ADCY3: variants seen among roughly 807,000 people sequenced by gnomAD.
ADCY3 encodes adenylate cyclase 3, also known as adenylate cyclase type 3.
In ADCY3, 70 loss-of-function variants were observed where a neutral mutation model predicts 119.4. The observed-to-expected ratio is 0.59, with a 90% CI of 0.48 to 0.72. The LOEUF (loss-of-function observed/expected upper bound fraction) is 0.72. Ranked by LOEUF, ADCY3 falls within the 30% of genes least tolerant of loss-of-function variation. The pLI, the probability that ADCY3 is intolerant of heterozygous loss-of-function variation, is 0.00. For missense variants in ADCY3, 1,238 were observed against 1,541.6 expected (o/e 0.80, Z 3.30); for synonymous variants, 672 against 621.4 (o/e 1.08, Z -1.21).
At chr2:24,860,908 C>T (rs2148722304) in intron 3 of ADCY3, among the ~76,000 whole-genome samples, 1 of 151,940 alleles carries the variant, frequency 6.6e-6, no homozygotes, top group East Asian at 2.0e-4. Flanking sequence ...CTGGGACAGC[C>T]ACATGGCCAG....
rs1558387162 is a variant in ADCY3, at chr2:24,819,566, G to A, written c.*366C>T. 2 of 169,540 alleles carry A rather than the reference G, an allele frequency of 1.2e-5. No homozygotes were observed. Among genetic ancestry groups the A allele is most frequent in the East Asian group, 3.3e-4 (2 of 6,088 alleles). 10.5% of individuals were successfully genotyped at this position (169,540 alleles called of 1,614,324 possible). ...GCCCTGTCTGAAGTGGAGCTTCCCC[G>A]CCTGTGCTCCCTCCACAGTCCCGGA... is the stretch of plus-strand genomic sequence containing the variant. On this transcript the variant is annotated 3_prime_UTR_variant, in exon 22 of 22. Transcript: ENST00000679454.
Position 24,854,957 on chromosome 2 carries a change from C to T in ADCY3, c.826-12573G>A, listed in dbSNP as rs1029135516. Among the ~76,000 whole-genome samples, 7 of 152,136 alleles carry T rather than the reference C, an allele frequency of 4.6e-5. No homozygotes were observed. The South Asian group carries it at 8.3e-4, about 18-fold the overall frequency. ...ACCAGCTGCTCAGGAGGCTGAAACACGAGAATCGCTTGAACCCGGGAGAGA... is the reference window on the plus strand; with the variant it reads ...ACCAGCTGCTCAGGAGGCTGAAACATGAGAATCGCTTGAACCCGGGAGAGA... On this transcript the variant is annotated intron_variant, in intron 3 of 21. Transcript: ENST00000679454.
At chr2:24,911,939 G>A (rs769290936) in intron 2 of ADCY3, among the ~76,000 whole-genome samples, 2 of 152,152 alleles carry the variant, frequency 1.3e-5, no homozygotes, top group African/African-American at 2.4e-5. Flanking sequence ...CTAGGCATGT[G>A]GCCCTGGACA....
chr2:24,911,643 A>AC (rs1333739960), intron 2 of ADCY3, among the ~76,000 whole-genome samples: 141 of 60,086 alleles, frequency 2.3e-3, no homozygotes, highest in African/African-American at 7.5e-3. Flanking sequence ...GACTCAAAAA[A>AC]AAAAAAAAAA....
rs963830964 is a variant in ADCY3, at chr2:24,824,432, G to T, written c.2682C>A (p.Asn894Lys). Residue 894 changes from asparagine (N) to lysine (K), a missense_variant, in exon 17 of 22, where the codon AAC becomes AAA. Physicochemically the swap from Asn to Lys is moderately conservative, Grantham distance 94. Around this residue, in one of 7 missense-constraint regions of ADCY3, gnomAD observed 499 missense variants for 571.0 expected, o/e 0.87. Coordinates refer to ENST00000679454, the MANE Select transcript of ADCY3 (RefSeq NM_004036.5). ...GGCGTGCCACGTGCTCAGGCAACAT[G>T]TTGGTGACCAAGGCCTCGTTCCAGC... is the stretch of plus-strand genomic sequence containing the variant. The part of the protein sequence containing the change: ...MRRWNEALVT[N>K]MLPEHVARHF... The T allele has an allele frequency of 6.2e-7, 1 of 1,614,256 alleles. No individual in the cohort carries two copies. Among genetic ancestry groups the T allele is most frequent in the Non-Finnish European group, 8.5e-7 (1 of 1,180,048 alleles).
Position 24,918,976 on chromosome 2 carries a change from G to A in ADCY3, c.12C>T (p.Asn4=). ...AGTATTCGGGCTCGGAGAAGCCCTG[G>A]TTCCTCGGCATACTGGCTGGTGTCT... MPR[N]QGFSEPEYSA... The change falls in exon 2 of 22, where the codon AAC becomes AAT. Residue 4 remains asparagine, a synonymous_variant. Transcript: ENST00000679454. This position sits in a 1 kb window ranked among gnomAD's most constrained non-coding sequence, Gnocchi z 5.4. The A allele has an allele frequency of 6.3e-7, 1 of 1,578,260 alleles. No individual in the cohort carries two copies. Among genetic ancestry groups the A allele is most frequent in the Non-Finnish European group, 8.6e-7 (1 of 1,165,660 alleles).
rs1664823566 is a variant in ADCY3 at position 24,919,221 on chromosome 2, C to T, written c.-197-37G>A. 2.8e-5 allele frequency: 15 copies of T among 545,002 alleles called. No homozygotes were observed. In the South Asian group the frequency reaches 3.3e-4, roughly 12 times the overall value. 33.8% of individuals were successfully genotyped at this position (545,002 alleles called of 1,614,324 possible). A position where few individuals can be genotyped will look rare whatever the true frequency, so the allele number is the denominator to read the frequency against. On this transcript the variant is annotated intron_variant, in intron 1 of 21. Coordinates refer to ENST00000679454, the MANE Select transcript of ADCY3 (RefSeq NM_004036.5). The surrounding 1 kb of genome is among the most constrained non-coding windows in gnomAD (Gnocchi z 5.5). ...ATTGCTGAGTAGAAGCACCTCTTCC[C>T]TCCTACCTTGCGGTTTCCCCATGAC...
intron 3 of ADCY3, among the ~76,000 whole-genome samples, chr2:24,864,236 C>G (rs1335061939): frequency 6.6e-6 from 1 of 152,198 alleles, no homozygotes; most frequent in Admixed American, 6.5e-5. Flanking sequence ...CTGCAGTGAG[C>G]TGAGATCGCA....
chr2:24,877,030 G>T (rs776503757), intron 2 of ADCY3, among the ~76,000 whole-genome samples: 1 of 152,128 alleles, frequency 6.6e-6, no homozygotes, highest in African/African-American at 2.4e-5. Flanking sequence ...CACTTGGCAG[G>T]CTCCTGTCCA....
Position 24,841,622 on chromosome 2 carries a change from G to C in ADCY3, c.1002C>G (p.Ala334=). The change falls in exon 5 of 22, where the codon GCC becomes GCG. Residue 334 remains alanine (A), a synonymous_variant. Transcript: ENST00000679454. The surrounding 1 kb of genome is among the most constrained non-coding windows in gnomAD (Gnocchi z 5.8). ...GCTTCACAAGCTCCTGGGCACTGCA[G>C]GCAGAAGACAGCTGGGTAAAGCCCA... ...DIVGFTQLSS[A]CSAQELVKLL... 6.2e-7 allele frequency: 1 copy of C among 1,613,738 alleles called. No homozygotes were observed. Among genetic ancestry groups the C allele is most frequent in the Non-Finnish European group, 8.5e-7 (1 of 1,179,992 alleles).
At chr2:24,905,232 C>G (rs1341521620) in intron 2 of ADCY3, among the ~76,000 whole-genome samples, 4 of 151,374 alleles carry the variant, frequency 2.6e-5, no homozygotes, top group Non-Finnish European at 2.9e-5. Flanking sequence ...CCCCTGGGTT[C>G]ACACCATTCC....
At chr2:24,835,187 G>A (rs192560385) in intron 9 of ADCY3, among the ~76,000 whole-genome samples, 70 of 152,326 alleles carry the variant, frequency 4.6e-4, no homozygotes, top group Non-Finnish European at 7.2e-4. Flanking sequence ...CTGCAGGGAG[G>A]GTCCGCTAAT....
At chr2:24,870,561 G>T (rs1304954674) in intron 3 of ADCY3, among the ~76,000 whole-genome samples, 1 of 152,012 alleles carries the variant, frequency 6.6e-6, no homozygotes, top group Non-Finnish European at 1.5e-5. Context: ...ACCTAACCTG[G>T]ACCTCTCCAT....
intron 13 of ADCY3, among the ~76,000 whole-genome samples, chr2:24,829,557 AC>A (rs1669149089): frequency 6.6e-6 from 1 of 150,580 alleles, no homozygotes. Flanking sequence ...AGTAGCTGGG[AC>A]TACAGGCGCC....
rs761428196 is a variant in ADCY3 at position 24,834,792 on chromosome 2, A to G, written c.1805+2T>C. On this transcript the variant is annotated splice_donor_variant, in intron 10 of 21. Transcript: ENST00000679454. LOFTEE classifies it high-confidence loss of function. The surrounding 1 kb of genome is among the most constrained non-coding windows in gnomAD (Gnocchi z 4.2). The stretch of plus-strand genomic sequence containing the variant: ...GCCTGGACGCTTCCGGGTGGCGCTT[A>G]CACTTGGGCGGACTCTCGCTCAAGC... 3 of 1,612,288 alleles carry G rather than the reference A, an allele frequency of 1.9e-6. No homozygotes were observed. Among genetic ancestry groups the G allele is most frequent in the Admixed American group, 3.3e-5 (2 of 59,996 alleles).
chr2:24,904,683 C>T (rs1437560540), intron 2 of ADCY3, among the ~76,000 whole-genome samples: 2 of 151,914 alleles, frequency 1.3e-5, no homozygotes, highest in East Asian at 3.9e-4. Context: ...TCTCTGTCGC[C>T]CAGGCTGGAA....
At chr2:24,877,441 T>C (rs868422660) in intron 2 of ADCY3, among the ~76,000 whole-genome samples, 11 of 152,088 alleles carry the variant, frequency 7.2e-5, no homozygotes, top group African/African-American at 9.7e-5. Flanking sequence ...CACCCCCGCC[T>C]GAAGAACAAA....
chr2:24,822,796 A>C (rs944882532), intron 18 of ADCY3, among the ~76,000 whole-genome samples, 166 bp from the exon 19 acceptor site: 1 of 152,150 alleles, frequency 6.6e-6, no homozygotes, highest in Non-Finnish European at 1.5e-5. Context: ...TCCTGGGAGA[A>C]CTTCCTAACT....
intron 3 of ADCY3, among the ~76,000 whole-genome samples, chr2:24,853,980 T>C (rs1672708629): frequency 1.3e-5 from 2 of 152,240 alleles, no homozygotes; most frequent in African/African-American, 2.4e-5. Flanking sequence ...ATGTGAATTC[T>C]TGTGATCCAT....
Sources: allele counts gnomAD v4.1 joint callset (sites outside exome capture counted in the v4.1 genomes callset), GRCh38; gene constraint gnomAD v4.1.1; regional missense constraint gnomAD v4.1.1; non-coding constraint Gnocchi (gnomAD v3.1); transcripts MANE v1.5; gene names NCBI Gene and HGNC (gene_info 2026-07-23, HGNC 2026-07-21).